The following CDC42BPA variants were observed in gnomAD, a reference collection of about 807,000 sequenced individuals.
CDC42BPA encodes serine/threonine-protein kinase MRCK alpha.
In CDC42BPA, 80 loss-of-function variants were observed where a neutral mutation model predicts 223.5. The ratio of observed to expected loss-of-function variants is 0.36; its 90% CI spans 0.30 to 0.43. CDC42BPA has a LOEUF of 0.43. Among genes scored for constraint, CDC42BPA ranks in the 20% least tolerant of loss-of-function variants. The pLI, the probability that CDC42BPA is intolerant of heterozygous loss-of-function variation, is 1.00. For missense variants in CDC42BPA, 1,743 were observed against 2,099.9 expected (o/e 0.83, Z 3.32); for synonymous variants, 694 against 718.6 (o/e 0.97, Z 0.55).
intron 6 of CDC42BPA, 50 bp downstream of exon 6, chr1:227,160,493 G>T: frequency 8.9e-7 from 1 of 1,121,314 alleles, no homozygotes; most frequent in Non-Finnish European, 1.4e-6. Flanking sequence ...CAGACAAATA[G>T]CAAGGGAAAT....
intron 10 of CDC42BPA, among the ~76,000 whole-genome samples, chr1:227,137,865 A>C (rs771474786): frequency 3.3e-5 from 5 of 152,104 alleles, no homozygotes; most frequent in Non-Finnish European, 5.9e-5. Context: ...GGTAGGTTAC[A>C]AACTGGGAAG....
intron 21 of CDC42BPA, among the ~76,000 whole-genome samples, chr1:227,053,881 T>C (rs899050211): frequency 2.0e-5 from 3 of 152,184 alleles, no homozygotes; most frequent in Non-Finnish European, 2.9e-5. Flanking sequence ...AAATGTCTTT[T>C]AGTTTCTAAA....
At chr1:227,257,819 T>C (rs1412265927) in intron 1 of CDC42BPA, among the ~76,000 whole-genome samples, 1 of 150,602 alleles carries the variant, frequency 6.6e-6, no homozygotes, top group Non-Finnish European at 1.5e-5. Context: ...GTGAAACCTT[T>C]TTTAAAAAAA....
intron 6 of CDC42BPA, among the ~76,000 whole-genome samples, chr1:227,153,673 G>A (rs76179768): frequency 0.091 from 13,840 of 151,726 alleles, 847 homozygotes; most frequent in Middle Eastern, 0.17. Context: ...AGACTATAAC[G>A]TATTAAAACT....
chr1:227,293,021 C>T (rs1452252697), intron 1 of CDC42BPA, among the ~76,000 whole-genome samples: 1 of 152,174 alleles, frequency 6.6e-6, no homozygotes, highest in Non-Finnish European at 1.5e-5. Context: ...GTTATTTCTT[C>T]ATCATAGCTA....
chr1:227,135,786 G>A (rs12116512), intron 10 of CDC42BPA, among the ~76,000 whole-genome samples: 3 of 144,670 alleles, frequency 2.1e-5, no homozygotes, highest in South Asian at 2.2e-4. Context: ...CCTGGGAGGC[G>A]GAGGTTGCAG....
At chr1:227,061,417 C>T (rs1675905304) in intron 21 of CDC42BPA, among the ~76,000 whole-genome samples, 1 of 152,096 alleles carries the variant, frequency 6.6e-6, no homozygotes, top group Non-Finnish European at 1.5e-5. Context: ...GAATTATGAT[C>T]CTCATTTTAA....
In CDC42BPA at chr1:227,055,688, A is replaced by T. The variant is rs947715210; in HGVS notation, c.2905-3703T>A. Among the ~76,000 whole-genome samples the T allele has an allele frequency of 2.0e-5, 3 of 152,154 alleles. No individual in the cohort carries two copies. The East Asian group carries it at 5.8e-4, about 29-fold the overall frequency. On this transcript the variant is annotated intron_variant, in intron 21 of 36. Coordinates refer to ENST00000366766, the MANE Select transcript of CDC42BPA (RefSeq NM_001394014.1). ...TATGTGCTAAAATACTATAGCATTA[A>T]GTATAATAATGCAGCAAAAGCTAAT...
At chr1:227,145,798 T>G (rs1660602830) in intron 7 of CDC42BPA, 61 bp from the exon 8 acceptor site, 1 of 1,344,148 alleles carries the variant, frequency 7.4e-7, no homozygotes, top group South Asian at 1.5e-5. Context: ...AGTAGTTGGT[T>G]GACTTATTTA....
chr1:227,245,733 T>C (rs534510825), intron 2 of CDC42BPA, among the ~76,000 whole-genome samples: 3 of 152,206 alleles, frequency 2.0e-5, no homozygotes, highest in Admixed American at 2.0e-4. Context: ...CCGGCTGCCT[T>C]GAAGAGAAGG....
rs1307984220 is a variant in CDC42BPA at position 227,073,848 on chromosome 1, T to C, written c.2735+16A>G. 2.6e-6 allele frequency: 4 copies of C among 1,532,040 alleles called. No individual in the cohort carries two copies. The highest frequency in any genetic ancestry group is 2.4e-5 in the East Asian group (1 of 42,334). The allele number at this position is 1,532,040 out of a possible 1,614,324, so 94.9% of individuals were successfully genotyped here. A position where few individuals can be genotyped will look rare whatever the true frequency, so the allele number is the denominator to read the frequency against. ...CTTAGAAATTATTCTAGTGGGACTA[T>C]ATGATTCAATCTTACCATTCTGTTA... On this transcript the variant is annotated intron_variant, in intron 19 of 36. Coordinates refer to ENST00000366766, the MANE Select transcript of CDC42BPA (RefSeq NM_001394014.1).
Position 227,193,720 on chromosome 1 carries a change from A to T in CDC42BPA, c.599+66T>A. On this transcript the variant is annotated intron_variant, in intron 5 of 36. Coordinates refer to ENST00000366766, the MANE Select transcript of CDC42BPA (RefSeq NM_001394014.1). ...ACCATAATTAATAAATCTGGCAAGA[A>T]ATAGGCCTCTGTTGCTAGATATTAC... 10 of 1,227,288 alleles carry T rather than the reference A, an allele frequency of 8.1e-6. No homozygotes were observed. The South Asian group carries it at 1.7e-4, about 21-fold the overall frequency. 76.0% of individuals were successfully genotyped at this position (1,227,288 alleles called of 1,614,324 possible).
chr1:227,065,244 T>C (rs1334073012), intron 21 of CDC42BPA, among the ~76,000 whole-genome samples: 1 of 151,738 alleles, frequency 6.6e-6, no homozygotes, highest in Non-Finnish European at 1.5e-5. Flanking sequence ...AATGGGAGAG[T>C]AACCTATCCA....
At chr1:227,035,844 T>C (rs995912938) in intron 24 of CDC42BPA, among the ~76,000 whole-genome samples, 4 of 152,216 alleles carry the variant, frequency 2.6e-5, no homozygotes, top group Non-Finnish European at 2.9e-5. Flanking sequence ...TTGACATTAG[T>C]GATCAAAAAA....
At chr1:227,038,971 T>C (rs185572260) in intron 24 of CDC42BPA, among the ~76,000 whole-genome samples, 13 of 152,328 alleles carry the variant, frequency 8.5e-5, no homozygotes, top group Admixed American at 3.3e-4. Context: ...TTGAGAAATA[T>C]AGCCAAAGCT....
intron 15 of CDC42BPA, among the ~76,000 whole-genome samples, chr1:227,097,254 T>C (rs76604779): frequency 6.6e-6 from 1 of 152,284 alleles, no homozygotes; most frequent in East Asian, 1.9e-4. Flanking sequence ...TTCCAGTCTC[T>C]TTTGATCCTA....
intron 20 of CDC42BPA, 125 bp downstream of exon 20, chr1:227,072,079 CATAA>C: frequency 1.8e-6 from 1 of 560,044 alleles, no homozygotes; most frequent in Non-Finnish European, 3.2e-6. Context: ...CACGTATATT[CATAA>C]ATGAGTGCCA....
intron 17 of CDC42BPA, among the ~76,000 whole-genome samples, chr1:227,078,746 C>T (rs1418824698): frequency 6.6e-6 from 1 of 152,002 alleles, no homozygotes; most frequent in Non-Finnish European, 1.5e-5. Context: ...TTCATTTGTC[C>T]CAGGAAACAT....
At chr1:227,064,911 C>G (rs1009804815) in intron 21 of CDC42BPA, among the ~76,000 whole-genome samples, 1 of 152,020 alleles carries the variant, frequency 6.6e-6, no homozygotes, top group Non-Finnish European at 1.5e-5. Context: ...TCCTGGCTAA[C>G]ACGGTGAAAC....
Sources: allele counts gnomAD v4.1 joint callset (sites outside exome capture counted in the v4.1 genomes callset), GRCh38; gene constraint gnomAD v4.1.1; transcripts MANE v1.5; gene names NCBI Gene and HGNC (gene_info 2026-07-23, HGNC 2026-07-21).